The following USP7 variants were observed in gnomAD, a reference collection of about 807,000 sequenced individuals.
The protein encoded by USP7 is ubiquitin C-terminal hydrolase 7.
Under a neutral mutation model 162.9 loss-of-function variants are expected in USP7, and 9 were observed. The ratio of observed to expected loss-of-function variants is 0.06; its 90% confidence interval spans 0.03 to 0.10. USP7 has a LOEUF of 0.10. Ranked by LOEUF, USP7 falls within the 10% of genes least tolerant of loss-of-function variation. USP7 has a pLI of 1.00. For missense variants in USP7, 715 were observed against 1,373.7 expected, an observed-to-expected ratio of 0.52 and a Z score of 7.58; for synonymous variants, 562 against 475.9, an observed-to-expected ratio of 1.18 and a Z score of -2.35.
chr16:8,926,763 G>A (rs966257367), intron 2 of USP7, among the ~76,000 whole-genome samples: 1 of 152,188 alleles, frequency 6.6e-6, no homozygotes, highest in Non-Finnish European at 1.5e-5. Context: ...ACTAACATTA[G>A]CAGACCACCA....
chr16:8,913,462 G>C (rs150040209), intron 10 of USP7, among the ~76,000 whole-genome samples: 1 of 151,966 alleles, frequency 6.6e-6, no homozygotes, highest in Non-Finnish European at 1.5e-5. Flanking sequence ...AAAGAGTAAG[G>C]ACACTACAGC....
intron 4 of USP7, 130 bp downstream of exon 4, chr16:8,921,025 CAA>C: frequency 9.7e-7 from 1 of 1,035,200 alleles, no homozygotes. Flanking sequence ...AACATGTTTT[CAA>C]AGACACTTGT....
intron 4 of USP7, 146 bp from the exon 5 acceptor site, chr16:8,920,593 T>A: frequency 1.4e-6 from 1 of 700,424 alleles, no homozygotes. Context: ...AATTTTAGAC[T>A]GTTTCAATTT....
At chr16:8,920,971 G>C (rs1212067426) in intron 4 of USP7, among the ~76,000 whole-genome samples, 186 bp downstream of exon 4, 1 of 152,198 alleles carries the variant, frequency 6.6e-6, no homozygotes, top group Non-Finnish European at 1.5e-5. Flanking sequence ...AGTGAGACGT[G>C]AATCCAGAAA....
At chr16:8,900,476 T>TA (rs1567208847) in intron 21 of USP7, 54 bp downstream of exon 21, 1 of 1,400,864 alleles carries the variant, frequency 7.1e-7, no homozygotes, top group Non-Finnish European at 9.7e-7. Context: ...TTCTACAACT[T>TA]AAAAAAATCC....
chr16:8,927,962 T>C (rs1048148472), intron 2 of USP7, among the ~76,000 whole-genome samples: 4 of 152,210 alleles, frequency 2.6e-5, no homozygotes, highest in Admixed American at 6.5e-5. Context: ...CTGGGTAACA[T>C]AGTGACATCC....
intron 1 of USP7, among the ~76,000 whole-genome samples, chr16:8,948,926 G>A (rs561958968): frequency 5.3e-5 from 8 of 151,922 alleles, no homozygotes; most frequent in Admixed American, 1.3e-4. Context: ...ATCAAACCAC[G>A]GCACTCCAGC....
intron 2 of USP7, among the ~76,000 whole-genome samples, chr16:8,929,894 A>G (rs1037581252): frequency 1.1e-4 from 17 of 152,150 alleles, no homozygotes; most frequent in African/African-American, 3.9e-4. Context: ...GCTATCATCA[A>G]CTGATATACA....
intron 10 of USP7, among the ~76,000 whole-genome samples, chr16:8,913,509 G>C (rs1173011754): frequency 6.6e-6 from 1 of 152,008 alleles, no homozygotes; most frequent in Non-Finnish European, 1.5e-5. Flanking sequence ...GAAGACGGTA[G>C]AACGTCTAAC....
At chr16:8,928,800 A>G (rs1898159156) in intron 2 of USP7, among the ~76,000 whole-genome samples, 1 of 152,164 alleles carries the variant, frequency 6.6e-6, no homozygotes, top group African/African-American at 2.4e-5. Context: ...ACCACTGTCT[A>G]CTAATTTAGT....
At chr16:8,926,784 G>A (rs1020729432) in intron 2 of USP7, among the ~76,000 whole-genome samples, 5 of 152,234 alleles carry the variant, frequency 3.3e-5, no homozygotes, top group Middle Eastern at 3.4e-3. Context: ...TTTCATTACC[G>A]CATGCTTCTT....
chr16:8,904,408 C>A (rs577884963), intron 15 of USP7, 27 bp downstream of exon 15: 3 of 1,609,966 alleles, frequency 1.9e-6, no homozygotes, highest in Non-Finnish European at 2.5e-6. Flanking sequence ...CATGGTGACC[C>A]GGAGTCCCAG....
At chr16:8,898,055 AG>A (rs1447009159) in intron 25 of USP7, among the ~76,000 whole-genome samples, 1 of 152,108 alleles carries the variant, frequency 6.6e-6, no homozygotes. Context: ...AGGCCGCGGC[AG>A]GAAGAGCTGG....
intron 1 of USP7, chr16:8,962,563 G>T: frequency 2.4e-6 from 1 of 410,200 alleles, no homozygotes; most frequent in Non-Finnish European, 4.9e-6. Flanking sequence ...CCGGATGCTG[G>T]CTGCACCACA....
chr16:8,929,930 G>C (rs1179752729), intron 2 of USP7, among the ~76,000 whole-genome samples: 2 of 152,196 alleles, frequency 1.3e-5, no homozygotes, highest in African/African-American at 4.8e-5. Context: ...GCAATGGAAA[G>C]CCAAGTTCCA....
chr16:8,943,375 C>T, intron 1 of USP7, among the ~76,000 whole-genome samples: 1 of 151,484 alleles, frequency 6.6e-6, no homozygotes, highest in South Asian at 2.1e-4. Flanking sequence ...ACAGGATTAT[C>T]TGCTCAACTG....
At chr16:8,943,282 A>G (rs1185964222) in intron 1 of USP7, among the ~76,000 whole-genome samples, 2 of 152,064 alleles carry the variant, frequency 1.3e-5, no homozygotes, top group Non-Finnish European at 2.9e-5. Flanking sequence ...GTGCACTGAG[A>G]GGGGTTTAAT....
chr16:8,963,194 C>A lies in USP7; in HGVS notation c.79+13G>T. The stretch of plus-strand genomic sequence containing the variant: ...GCCCCCCGGCCCCGCCGCGGCCGGC[C>A]CTCGGGCCTCACCTTCCATCTCCAT... On this transcript the variant is annotated intron_variant, in intron 1 of 30. Coordinates refer to ENST00000344836, the MANE Select transcript of USP7 (RefSeq NM_003470.3). The A allele has an allele frequency of 5.7e-6, 8 of 1,410,638 alleles. No individual in the cohort carries two copies. Among genetic ancestry groups the A allele is most frequent in the Non-Finnish European group, 7.5e-6 (8 of 1,072,872 alleles). 87.4% of individuals were successfully genotyped at this position (1,410,638 alleles called of 1,614,324 possible).
chr16:8,945,992 C>G (rs747591167), intron 1 of USP7, among the ~76,000 whole-genome samples: 94 of 152,130 alleles, frequency 6.2e-4, no homozygotes, highest in Non-Finnish European at 7.8e-4. Context: ...AAGGAACGGA[C>G]AGGGGAGAAT....
Sources: allele counts gnomAD v4.1 joint callset (sites outside exome capture counted in the v4.1 genomes callset), GRCh38; gene constraint gnomAD v4.1.1; transcripts MANE v1.5; gene names NCBI Gene and HGNC (gene_info 2026-07-23, HGNC 2026-07-21).